Variants in PTGES3 observed in about 807,000 individuals in gnomAD.
PTGES3 encodes Hsp90 co-chaperone.
Under a neutral mutation model 29.9 loss-of-function variants are expected in PTGES3, and 5 were observed. That is an observed-to-expected ratio of 0.17 (90% CI 0.09 to 0.35). The LOEUF is 0.35. Ranked by LOEUF, PTGES3 falls within the 10% of genes least tolerant of loss-of-function variation. The probability of loss-of-function intolerance (pLI) is 1.00; values close to 1 mark genes in which losing one functional copy is unlikely to be tolerated. For missense variants in PTGES3, 128 were observed against 190.0 expected (o/e 0.67, Z 1.92); for synonymous variants, 49 against 57.8 (o/e 0.85, Z 0.69).
intron 1 of PTGES3, 102 bp from the exon 2 acceptor site, chr12:56,673,167 T>G: frequency 1.4e-6 from 1 of 706,398 alleles, no homozygotes; most frequent in Non-Finnish European, 2.2e-6. Context: ...GGGCAGTTTG[T>G]TACAATTTTA....
chr12:56,682,342 T>C (rs769170429), intron 1 of PTGES3, among the ~76,000 whole-genome samples: 2 of 152,058 alleles, frequency 1.3e-5, no homozygotes, highest in Non-Finnish European at 2.9e-5. Flanking sequence ...GAAGACTGCT[T>C]GAGCCCAAGA....
In PTGES3 at chr12:56,688,028, T is replaced by C. The variant is rs755885094; in HGVS notation, c.-29A>G. 8 of 1,520,962 alleles carry C rather than the reference T, an allele frequency of 5.3e-6. No homozygotes were observed. Among genetic ancestry groups the C allele is most frequent in the Admixed American group, 4.2e-5 (2 of 47,260 alleles). The allele number at this position is 1,520,962 out of a possible 1,614,324, so 94.2% of individuals were successfully genotyped here. On this transcript the variant is annotated 5_prime_UTR_variant, in exon 1 of 8. Transcript: ENST00000262033. ...GAACGGGGCAGGGGGACGGGCGAAC[T>C]GGTGGGCGGGCCTCTCTGGCGGCGG...
At chr12:56,686,275 C>T (rs1952845165) in intron 1 of PTGES3, among the ~76,000 whole-genome samples, 1 of 152,200 alleles carries the variant, frequency 6.6e-6, no homozygotes. Context: ...TTTCCCCTTA[C>T]AGATTTTCAG....
At position 56,664,854 on chromosome 12, in the gene PTGES3, G is replaced by C. The variant is rs570416082; in HGVS notation, c.439-54C>G. On this transcript the variant is annotated intron_variant, in intron 6 of 7. Coordinates refer to ENST00000262033, the MANE Select transcript of PTGES3 (RefSeq NM_006601.7). ...CTGATCAAATATTCGTTTGCTAACT[G>C]AACAGTTTACCTAAAAAAGTTCAAG... 1.3e-5 allele frequency: 21 copies of C among 1,583,702 alleles called. No individual in the cohort carries two copies. In the East Asian group the frequency reaches 1.3e-4, roughly 10 times the overall value.
At chr12:56,670,048 G>GT (rs1445157899) in intron 5 of PTGES3, among the ~76,000 whole-genome samples, 1 of 147,982 alleles carries the variant, frequency 6.8e-6, no homozygotes, top group East Asian at 2.0e-4. Context: ...ATTAACTTTT[G>GT]TAACTTTTGT....
At chr12:56,686,077 C>CA (rs1952832381) in intron 1 of PTGES3, among the ~76,000 whole-genome samples, 1 of 149,770 alleles carries the variant, frequency 6.7e-6, no homozygotes, top group Non-Finnish European at 1.5e-5. Context: ...CCTGGCCTTA[C>CA]ACTTACTTTT....
Position 56,682,565 on chromosome 12 carries a change from G to A in PTGES3, c.2+5433C>T, listed in dbSNP as rs564534017. ...AGTGAGACAGTGTCTCAGAAAAGAA[G>A]AAATATTCCCGGAAAACCGCAAGTT... On this transcript the variant is annotated intron_variant, in intron 1 of 7. Transcript: ENST00000262033. Among the ~76,000 whole-genome samples, 21 of 151,842 alleles carry A rather than the reference G, an allele frequency of 1.4e-4. No homozygotes were observed. The South Asian group carries it at 1.5e-3, about 11-fold the overall frequency.
At position 56,686,778 on chromosome 12, in the gene PTGES3, A is replaced by G. The variant is rs188111127; in HGVS notation, c.2+1220T>C. ...GCTCTAGAAGCTTGTTCCCAGTGATAAACTCGCTTCAGCCTCACGCATCCC... is the reference window on the plus strand; with the variant it reads ...GCTCTAGAAGCTTGTTCCCAGTGATGAACTCGCTTCAGCCTCACGCATCCC... On this transcript the variant is annotated intron_variant, in intron 1 of 7. Transcript: ENST00000262033. 354 of 398,064 alleles carry G rather than the reference A, an allele frequency of 8.9e-4. 4 individuals are homozygous for G. The highest frequency in any genetic ancestry group is 1.5e-3 in the South Asian group (12 of 7,850). The allele number at this position is 398,064 out of a possible 1,614,324, so 24.7% of individuals were successfully genotyped here.
chr12:56,666,108 A>C, intron 6 of PTGES3, 96 bp downstream of exon 6: 1 of 1,398,906 alleles, frequency 7.1e-7, no homozygotes, highest in South Asian at 1.6e-5. Context: ...GAAAATAAGA[A>C]GTAATTGTGA....
At chr12:56,666,905 G>A (rs1306707164) in intron 5 of PTGES3, among the ~76,000 whole-genome samples, 1 of 152,062 alleles carries the variant, frequency 6.6e-6, no homozygotes, top group East Asian at 1.9e-4. Context: ...GGGATTACAG[G>A]CGTGAACCAC....
intron 4 of PTGES3, chr12:56,670,717 T>A (rs1374991672): frequency 5.1e-6 from 1 of 197,880 alleles, no homozygotes; most frequent in African/African-American, 2.3e-5. Context: ...AGCTTTTAAC[T>A]ACAACAGGCA....
intron 1 of PTGES3, among the ~76,000 whole-genome samples, chr12:56,677,429 G>A (rs1221472062): frequency 6.6e-6 from 1 of 152,058 alleles, no homozygotes; most frequent in South Asian, 2.1e-4. Context: ...AAGCCAAAAG[G>A]AGTAACTAGC....
At chr12:56,666,166 G>C in intron 6 of PTGES3, 38 bp downstream of exon 6, 3 of 1,567,436 alleles carry the variant, frequency 1.9e-6, no homozygotes, top group Non-Finnish European at 1.7e-6. Flanking sequence ...CTATTTAATA[G>C]TATGAAAGTA....
intron 1 of PTGES3, among the ~76,000 whole-genome samples, chr12:56,678,799 T>G (rs919105805): frequency 9.9e-5 from 15 of 152,280 alleles, no homozygotes; most frequent in African/African-American, 3.6e-4. Context: ...GCCCTTCTAT[T>G]GAGCTTAGAA....
At chr12:56,682,313 C>T (rs1213538068) in intron 1 of PTGES3, among the ~76,000 whole-genome samples, 1 of 152,158 alleles carries the variant, frequency 6.6e-6, no homozygotes, top group Admixed American at 6.6e-5. Context: ...AATTCCAGCA[C>T]TCTGGGAGGC....
intron 3 of PTGES3, among the ~76,000 whole-genome samples, chr12:56,672,535 G>A (rs1466137546): frequency 6.6e-6 from 1 of 152,014 alleles, no homozygotes; most frequent in Non-Finnish European, 1.5e-5. Flanking sequence ...GAGCCTCAAG[G>A]ATACTACTCT....
intron 1 of PTGES3, among the ~76,000 whole-genome samples, chr12:56,683,758 G>C (rs1404388500): frequency 6.6e-6 from 1 of 151,664 alleles, no homozygotes; most frequent in East Asian, 1.9e-4. Flanking sequence ...AGGAGATCGA[G>C]ACCATTCTGG....
intron 1 of PTGES3, among the ~76,000 whole-genome samples, chr12:56,685,112 A>C (rs1015135671): frequency 6.6e-6 from 1 of 151,598 alleles, no homozygotes; most frequent in African/African-American, 2.4e-5. Flanking sequence ...TCCAAAAAAA[A>C]CACTTTTAAA....
chr12:56,666,598 T>C (rs1165325368), intron 5 of PTGES3, among the ~76,000 whole-genome samples: 1 of 152,218 alleles, frequency 6.6e-6, no homozygotes, highest in East Asian at 1.9e-4. Context: ...TGCACAGCTA[T>C]CTATCTTAAG....
Sources: allele counts gnomAD v4.1 joint callset (sites outside exome capture counted in the v4.1 genomes callset), GRCh38; gene constraint gnomAD v4.1.1; transcripts MANE v1.5; gene names NCBI Gene and HGNC (gene_info 2026-07-23, HGNC 2026-07-21).